MROH1: variants seen among roughly 807,000 people sequenced by gnomAD.
The protein encoded by MROH1 is maestro heat like repeat family member 1.
A neutral mutation model predicts 116.5 loss-of-function variants in MROH1; 117 were observed. That is an observed-to-expected ratio of 1.00 (90% CI 0.86 to 1.17). MROH1 has a LOEUF of 1.17. MROH1 is among the 50% of genes most tolerant of loss of function. MROH1 has a pLI of 0.00. For synonymous variants in MROH1, 921 were observed against 583.9 expected (o/e 1.58, Z -8.32); for missense variants, 1,873 against 1,338.5 (o/e 1.40, Z -6.23).
At chr8:144,178,661 G>A (rs1181170216) in intron 4 of MROH1, among the ~76,000 whole-genome samples, 1 of 152,240 alleles carries the variant, frequency 6.6e-6, no homozygotes, top group African/African-American at 2.4e-5. Context: ...ATGTTGCCTG[G>A]TGCAGGCTGC....
intron 12 of MROH1, among the ~76,000 whole-genome samples, chr8:144,210,925 C>T (rs1280070121): frequency 1.3e-5 from 2 of 152,112 alleles, no homozygotes; most frequent in African/African-American, 4.8e-5. Context: ...CTGTCACCAC[C>T]ATCTGCCTCC....
rs188305300 is a variant in MROH1 at position 144,176,183 on chromosome 8, G to A, written c.169-3272G>A. Among the ~76,000 whole-genome samples the A allele has an allele frequency of 2.6e-4, 39 of 151,974 alleles. 1 individual carries two copies. The Middle Eastern group carries it at 0.01, about 40-fold the overall frequency. The stretch of plus-strand genomic sequence containing the variant: ...TTCAAGACCAGCCTGCCTGGCCAAC[G>A]TGGCGAAACCTCATTTCTACTGAAA... On this transcript the variant is annotated intron_variant, in intron 4 of 43. Coordinates refer to ENST00000326134, the MANE Select transcript of MROH1 (RefSeq NM_032450.3).
intron 4 of MROH1, among the ~76,000 whole-genome samples, chr8:144,168,884 G>T (rs1021218614): frequency 6.6e-6 from 1 of 152,226 alleles, no homozygotes; most frequent in Non-Finnish European, 1.5e-5. Flanking sequence ...CACCCTCAGG[G>T]AGGGGCTGCC....
intron 12 of MROH1, among the ~76,000 whole-genome samples, chr8:144,216,271 G>A (rs1285564502): frequency 2.0e-5 from 3 of 150,866 alleles, no homozygotes; most frequent in Non-Finnish European, 2.9e-5. Context: ...TCAGGAGAGC[G>A]AGACCATCCT....
At position 144,260,212 on chromosome 8, in the gene MROH1, C is replaced by T. The variant is rs1588566652; in HGVS notation, c.4218C>T (p.Leu1406=). 6.5e-6 allele frequency: 5 copies of T among 765,678 alleles called. No individual in the cohort carries two copies. Among genetic ancestry groups the T allele is most frequent in the Non-Finnish European group, 1.2e-5 (5 of 417,618 alleles). 47.4% of individuals were successfully genotyped at this position (765,678 alleles called of 1,614,324 possible). ...DKVRTHGPQL[L]TAMIGGLDDG... Reference sequence around the variant, plus strand: ...TGCGAACCCACGGCCCCCAGCTCCTCACAGCCATGATTGGCGGGCTGGACG... The same window carrying T: ...TGCGAACCCACGGCCCCCAGCTCCTTACAGCCATGATTGGCGGGCTGGACG... Residue 1406 remains leucine, a synonymous_variant, in exon 39 of 44, where the codon CTC becomes CTT. Transcript: ENST00000326134.
At position 144,180,592 on chromosome 8, in the gene MROH1, G is replaced by C; in HGVS notation, c.562+69G>C. 2.7e-6 allele frequency: 4 copies of C among 1,473,396 alleles called. No individual in the cohort carries two copies. In the South Asian group the frequency reaches 3.5e-5, roughly 13 times the overall value. 91.3% of individuals were successfully genotyped at this position (1,473,396 alleles called of 1,614,324 possible). A position where few individuals can be genotyped will look rare whatever the true frequency, so the allele number is the denominator to read the frequency against. On this transcript the variant is annotated intron_variant, in intron 7 of 43. Coordinates refer to ENST00000326134, the MANE Select transcript of MROH1 (RefSeq NM_032450.3). This position sits in a 1 kb window ranked among gnomAD's most constrained non-coding sequence, Gnocchi z 7.4. ...TGGGGGGCTGTTCCCGGGCATGCCT[G>C]TTTTAGGGGGGACAGGTGGGCACTT...
In MROH1 at chr8:144,259,240, G is replaced by A. The variant is rs1197670803; in HGVS notation, c.3930G>A (p.Arg1310=). 4 of 713,448 alleles carry A rather than the reference G, an allele frequency of 5.6e-6. No homozygotes were observed. Among genetic ancestry groups the A allele is most frequent in the East Asian group, 5.4e-5 (2 of 37,288 alleles). 44.2% of individuals were successfully genotyped at this position (713,448 alleles called of 1,614,324 possible). Residue 1310 remains arginine (R), a splice_region_variant and synonymous_variant, in exon 37 of 44, where the codon AGG becomes AGA. Coordinates refer to ENST00000326134, the MANE Select transcript of MROH1 (RefSeq NM_032450.3). ...CACCCTCAGCGGCCCCCTTTCCCAG[G>A]GCCATGGCTGAGCACGCAGGGCCCC... The part of the protein sequence containing the change: ...GHEEGATRLA[R]AMAEHAGPRL...
chr8:144,259,050 C>T, intron 36 of MROH1, 136 bp downstream of exon 36: 1 of 646,470 alleles, frequency 1.5e-6, no homozygotes, highest in South Asian at 1.7e-5. Context: ...TGTTCACTCT[C>T]TGGGGCAGGG....
chr8:144,176,727 G>A, intron 4 of MROH1, among the ~76,000 whole-genome samples: 1 of 3,648 alleles, frequency 2.7e-4, no homozygotes, highest in Non-Finnish European at 6.4e-3. Flanking sequence ...TACTCGGGAG[G>A]CTAAGGCAGG....
At chr8:144,183,893 C>T (rs939293689) in intron 7 of MROH1, among the ~76,000 whole-genome samples, 15 of 151,954 alleles carry the variant, frequency 9.9e-5, no homozygotes, top group South Asian at 2.1e-4. Context: ...GTGATCCGCC[C>T]GCCTCGGCCT....
intron 7 of MROH1, among the ~76,000 whole-genome samples, chr8:144,189,731 G>A (rs1043275913): frequency 2.0e-5 from 3 of 152,188 alleles, no homozygotes; most frequent in African/African-American, 7.2e-5. Flanking sequence ...TCTCCCTGTG[G>A]CTCTTCCCGC....
intron 29 of MROH1, among the ~76,000 whole-genome samples, chr8:144,246,031 C>T (rs1222872127): frequency 1.6e-5 from 2 of 121,604 alleles, no homozygotes; most frequent in African/African-American, 8.7e-5. Context: ...CCCTCCCTCA[C>T]CTCCCTCCCT....
chr8:144,239,208 C>G (rs1371286474), intron 16 of MROH1, 29 bp downstream of exon 16: 8 of 743,226 alleles, frequency 1.1e-5, no homozygotes, highest in African/African-American at 5.6e-5. Context: ...CCCACCTCCC[C>G]ACTCCTGCCC....
chr8:144,173,482 A>C (rs1301070544), intron 4 of MROH1, among the ~76,000 whole-genome samples: 7 of 150,098 alleles, frequency 4.7e-5, no homozygotes, highest in Non-Finnish European at 1.5e-5. Flanking sequence ...GCTGGAGTAC[A>C]ATGGCGCAAA....
At chr8:144,250,904 A>C in intron 33 of MROH1, 1 of 212,600 alleles carries the variant, frequency 4.7e-6, no homozygotes, top group Non-Finnish European at 9.6e-6. Flanking sequence ...GGGCGTGTCT[A>C]CCACCCACCA....
At chr8:144,157,156 C>T (rs1355793370) in intron 1 of MROH1, among the ~76,000 whole-genome samples, 2 of 152,130 alleles carry the variant, frequency 1.3e-5, no homozygotes, top group Non-Finnish European at 2.9e-5. Flanking sequence ...AGGGGTTTCA[C>T]CATGTTGGTC....
chr8:144,179,072 G>C (rs1383630923), intron 4 of MROH1, among the ~76,000 whole-genome samples: 1 of 152,092 alleles, frequency 6.6e-6, no homozygotes. Flanking sequence ...CAGAGACTGA[G>C]GCCATGACCA....
chr8:144,258,472 G>C lies in MROH1; in HGVS notation c.3792-305G>C, dbSNP rs1344393002. ...GTGCCCAGCAGCGTCTGGGTGTCCGGAAAGGAAGGCCGGTGCAGCCAGAGG... is the reference window on the plus strand; with the variant it reads ...GTGCCCAGCAGCGTCTGGGTGTCCGCAAAGGAAGGCCGGTGCAGCCAGAGG... On this transcript the variant is annotated intron_variant, in intron 35 of 43. Transcript: ENST00000326134. 9.2e-5 allele frequency among the ~76,000 whole-genome samples: 14 copies of C among 152,308 alleles called. No homozygotes were observed. In the East Asian group the frequency reaches 2.7e-3, roughly 29 times the overall value.
At chr8:144,209,232 G>A (rs1313483848) in intron 12 of MROH1, among the ~76,000 whole-genome samples, 1 of 152,062 alleles carries the variant, frequency 6.6e-6, no homozygotes, top group African/African-American at 2.4e-5. Flanking sequence ...AAATCTGGTA[G>A]AGGATGTCCT....
Sources: allele counts gnomAD v4.1 joint callset (sites outside exome capture counted in the v4.1 genomes callset), GRCh38; gene constraint gnomAD v4.1.1; non-coding constraint Gnocchi (gnomAD v3.1); transcripts MANE v1.5; gene names NCBI Gene and HGNC (gene_info 2026-07-23, HGNC 2026-07-21).